Variants in THUMPD2 observed in about 807,000 individuals in gnomAD.
THUMPD2 encodes THUMP domain 2 tRNA and snRNA guanosine methyltransferase, also known as U6 snRNA (guanine-N(2))-methyltransferase THUMPD2.
In THUMPD2, 56 loss-of-function variants were observed where a neutral mutation model predicts 49.4. The observed-to-expected ratio is 1.13, with a 90% CI of 0.91 to 1.41. The LOEUF (loss-of-function observed/expected upper bound fraction) is 1.41, where lower values mean the gene tolerates loss of function less well. Among genes scored for constraint, THUMPD2 ranks in the 40% most tolerant of loss-of-function variants. The pLI, the probability that THUMPD2 is intolerant of heterozygous loss-of-function variation, is 0.00. For missense variants in THUMPD2, 709 were observed against 594.5 expected (o/e 1.19, Z -2.00); for synonymous variants, 237 against 205.2 (o/e 1.15, Z -1.32).
At chr2:39,757,381 A>C in intron 6 of THUMPD2, 1 of 1,303,756 alleles carries the variant, frequency 7.7e-7, no homozygotes, top group Non-Finnish European at 1.0e-6. Context: ...AATGGAAAGA[A>C]ACAAAATGTT....
chr2:39,778,453 C>A (rs1449393920), intron 1 of THUMPD2, among the ~76,000 whole-genome samples: 1 of 152,220 alleles, frequency 6.6e-6, no homozygotes, highest in Non-Finnish European at 1.5e-5. Flanking sequence ...TCCAAGAGTA[C>A]ATCACTCACA....
intron 9 of THUMPD2, 76 bp from the exon 10 acceptor site, chr2:39,737,135 G>T: frequency 7.5e-7 from 1 of 1,340,520 alleles, no homozygotes; most frequent in Non-Finnish European, 1.0e-6. Context: ...ATTTAAAATG[G>T]TTCATGTTTT....
rs1678088810 is a variant in THUMPD2 at position 39,769,921 on chromosome 2, T to G, written c.461A>C (p.Lys154Thr). ...CTGGCAGTCCCTATTCTCTTCTATCTTTTGCATTTGTTCTATTTTTAATTT... is the reference window on the plus strand; with the variant it reads ...CTGGCAGTCCCTATTCTCTTCTATCGTTTGCATTTGTTCTATTTTTAATTT... ...AKKLKIEQMQ[K>T]IEENRDCQLE... is the part of the protein sequence containing the mutation. The change falls in exon 3 of 10, where the codon AAG becomes ACG. Residue 154 changes from lysine to threonine, a missense_variant. Lys to Thr is a moderately conservative substitution (Grantham distance 78). Coordinates refer to ENST00000505747, the MANE Select transcript of THUMPD2 (RefSeq NM_025264.5). The G allele has an allele frequency of 6.3e-7, 1 of 1,582,908 alleles. No homozygotes were observed. Among genetic ancestry groups the G allele is most frequent in the Non-Finnish European group, 8.5e-7 (1 of 1,172,058 alleles).
At chr2:39,778,276 C>G (rs1679379706) in intron 1 of THUMPD2, among the ~76,000 whole-genome samples, 1 of 152,210 alleles carries the variant, frequency 6.6e-6, no homozygotes, top group Non-Finnish European at 1.5e-5. Flanking sequence ...ACATTCAATA[C>G]TCTATTAAAT....
At chr2:39,769,357 G>C in intron 3 of THUMPD2, 1 of 232,454 alleles carries the variant, frequency 4.3e-6, no homozygotes, top group Non-Finnish European at 8.6e-6. Context: ...TTTGTTCTGT[G>C]AGAGGTTTGC....
chr2:39,769,201 T>G (rs78428784), intron 3 of THUMPD2: 27,377 of 799,686 alleles, frequency 0.034, 576 homozygotes, highest in African/African-American at 0.082. Context: ...TCTGTAGATT[T>G]AAGGAAATTT....
intron 9 of THUMPD2, among the ~76,000 whole-genome samples, chr2:39,741,096 G>C (rs900557218): frequency 6.6e-6 from 1 of 152,096 alleles, no homozygotes; most frequent in African/African-American, 2.4e-5. Context: ...TAGTGTATCA[G>C]TGATGATAAT....
chr2:39,769,729 C>A lies in THUMPD2; in HGVS notation c.653G>T (p.Gly218Val). 2 of 1,572,212 alleles carry A rather than the reference C, an allele frequency of 1.3e-6. No homozygotes were observed. The highest frequency in any genetic ancestry group is 1.2e-5 in the South Asian group (1 of 83,256). The change falls in exon 3 of 10, where the codon GGA becomes GTA. Residue 218 changes from glycine to valine, a missense_variant. By Grantham distance (109) the Gly-to-Val change is moderately radical (BLOSUM62 -3). Coordinates refer to ENST00000505747, the MANE Select transcript of THUMPD2 (RefSeq NM_025264.5). The part of the protein sequence containing the change: ...RVSCRCSGTI[G>V]KAFTAQEVGK... ...GCATACCTGTGCAGTGAAGGCCTTTCCAATAGTTCCACTGCAGCGACAAGA... is the reference window on the plus strand; with the variant it reads ...GCATACCTGTGCAGTGAAGGCCTTTACAATAGTTCCACTGCAGCGACAAGA...
At chr2:39,759,620 G>A (rs1461127676) in intron 6 of THUMPD2, among the ~76,000 whole-genome samples, 2 of 152,084 alleles carry the variant, frequency 1.3e-5, no homozygotes, top group Non-Finnish European at 1.5e-5. Flanking sequence ...ACATTCCTTG[G>A]CTTTAAGATT....
Position 39,744,397 on chromosome 2 carries a change from A to G in THUMPD2, c.1160T>C (p.Ile387Thr). ...FGKKFKLGKD[I>T]KSILQEMERV... ...TTCCATTTCTTGTAGAATGCTTTTG[A>G]TGTCTTTTCCTAACTTAAACTTTTT... is the stretch of plus-strand genomic sequence containing the variant. Residue 387 changes from isoleucine to threonine, a missense_variant, in exon 9 of 10, where the codon ATC becomes ACC. Transcript: ENST00000505747. 1 of 1,582,212 alleles carries G rather than the reference A, an allele frequency of 6.3e-7. No individual in the cohort carries two copies. The highest frequency in any genetic ancestry group is 8.6e-7 in the Non-Finnish European group (1 of 1,167,792).
chr2:39,752,414 T>G (rs540403994), intron 8 of THUMPD2, among the ~76,000 whole-genome samples: 15 of 152,344 alleles, frequency 9.8e-5, no homozygotes, highest in African/African-American at 3.6e-4. Flanking sequence ...TAAAAAGGCA[T>G]GAGATCCCTT....
intron 5 of THUMPD2, among the ~76,000 whole-genome samples, chr2:39,764,759 G>A (rs1677284536): frequency 6.6e-6 from 1 of 152,018 alleles, no homozygotes; most frequent in African/African-American, 2.4e-5. Context: ...GTTCTTTTTA[G>A]CCAACACTCA....
intron 9 of THUMPD2, among the ~76,000 whole-genome samples, chr2:39,741,182 G>T (rs1158310246): frequency 1.3e-5 from 2 of 152,126 alleles, no homozygotes; most frequent in African/African-American, 4.8e-5. Flanking sequence ...GTATCAAACA[G>T]CATAAGAGAT....
chr2:39,766,139 G>C (rs1233623863), intron 4 of THUMPD2, 30 bp from the exon 5 acceptor site: 1 of 1,480,156 alleles, frequency 6.8e-7, no homozygotes, highest in Admixed American at 2.5e-5. Flanking sequence ...AGTTAGAATG[G>C]AACAAGAAAC....
intron 1 of THUMPD2, among the ~76,000 whole-genome samples, chr2:39,775,192 T>C (rs1489062069): frequency 6.6e-6 from 1 of 152,058 alleles, no homozygotes. Context: ...GGTGGGAGGA[T>C]TGCTTGAGCC....
intron 7 of THUMPD2, among the ~76,000 whole-genome samples, chr2:39,755,642 G>A (rs529305397): frequency 6.6e-6 from 1 of 152,190 alleles, no homozygotes; most frequent in African/African-American, 2.4e-5. Context: ...AGAATTTGAG[G>A]ATTAGTATAA....
At chr2:39,761,214 A>G (rs1405414299) in intron 6 of THUMPD2, 117 bp downstream of exon 6, 1 of 870,976 alleles carries the variant, frequency 1.1e-6, no homozygotes, top group Non-Finnish European at 1.8e-6. Context: ...AAGAAGTTAA[A>G]GAAAAAGCGT....
intron 9 of THUMPD2, 104 bp downstream of exon 9, chr2:39,744,266 G>C (rs1674288750): frequency 1.7e-6 from 1 of 575,942 alleles, no homozygotes. Flanking sequence ...AAAAACTCTG[G>C]GAAATTGCTA....
rs567414935 is a variant in THUMPD2 at position 39,739,684 on chromosome 2, G to C, written c.1188-2625C>G. On this transcript the variant is annotated intron_variant, in intron 9 of 9. Transcript: ENST00000505747. The stretch of plus-strand genomic sequence containing the variant: ...AAACGTGTCTGGGGAAGGGATAAAT[G>C]AATCTCCTGGAAAGAACCGGCAGAT... 5.9e-5 allele frequency among the ~76,000 whole-genome samples: 9 copies of C among 152,256 alleles called. No individual in the cohort carries two copies. In the East Asian group the frequency reaches 1.4e-3, roughly 23 times the overall value.
Sources: allele counts gnomAD v4.1 joint callset (sites outside exome capture counted in the v4.1 genomes callset), GRCh38; gene constraint gnomAD v4.1.1; transcripts MANE v1.5; gene names NCBI Gene and HGNC (gene_info 2026-07-23, HGNC 2026-07-21).